Variants in PDE8A observed in about 807,000 individuals in gnomAD.
PDE8A encodes phosphodiesterase 8A, also known as high affinity cAMP-specific and IBMX-insensitive 3',5'-cyclic phosphodiesterase 8A.
PDE8A carries 59 observed loss-of-function variants against 105.0 expected under a neutral mutation model. The observed-to-expected ratio is 0.56, with a 90% CI of 0.46 to 0.70. The LOEUF (loss-of-function observed/expected upper bound fraction) is 0.70. Among genes scored for constraint, PDE8A ranks in the 30% least tolerant of loss-of-function variants. The pLI is 0.00. For missense variants in PDE8A, 1,014 were observed against 1,045.9 expected, an observed-to-expected ratio of 0.97 and a Z score of 0.42; for synonymous variants, 355 against 371.9, an observed-to-expected ratio of 0.95 and a Z score of 0.52.
At chr15:85,104,542 A>C (rs541676013) in intron 11 of PDE8A, among the ~76,000 whole-genome samples, 2 of 152,150 alleles carry the variant, frequency 1.3e-5, no homozygotes, top group South Asian at 4.2e-4. Context: ...GCCCAATCAG[A>C]GACTGGATTC....
chr15:85,078,110 T>A (rs1596495272), intron 5 of PDE8A, among the ~76,000 whole-genome samples: 11 of 128,226 alleles, frequency 8.6e-5, no homozygotes, highest in South Asian at 2.4e-4. Flanking sequence ...CAAAGTAGAG[T>A]AAATTTTAAA....
intron 5 of PDE8A, 72 bp downstream of exon 5, chr15:85,076,859 A>G: frequency 1.0e-6 from 1 of 997,276 alleles, no homozygotes; most frequent in Non-Finnish European, 1.6e-6. Flanking sequence ...TTCAGTACCC[A>G]GCAAAAGCTT....
intron 8 of PDE8A, among the ~76,000 whole-genome samples, chr15:85,094,882 T>C (rs1207576897): frequency 1.3e-5 from 2 of 152,186 alleles, no homozygotes; most frequent in Non-Finnish European, 1.5e-5. Flanking sequence ...TACTGAGTCA[T>C]CATTTTGTCA....
intron 1 of PDE8A, among the ~76,000 whole-genome samples, chr15:85,055,291 T>A (rs957829990): frequency 3.9e-5 from 6 of 152,188 alleles, no homozygotes; most frequent in Admixed American, 1.3e-4. Flanking sequence ...ATTTTGTTGA[T>A]TTGGGGTGGA....
chr15:85,020,148 C>T (rs574019618), intron 1 of PDE8A, among the ~76,000 whole-genome samples: 1 of 151,772 alleles, frequency 6.6e-6, no homozygotes, highest in Non-Finnish European at 1.5e-5. Context: ...AATAGGTATT[C>T]TTTCTTAGGC....
intron 1 of PDE8A, among the ~76,000 whole-genome samples, chr15:85,016,134 G>A (rs1399394832): frequency 1.3e-5 from 2 of 151,832 alleles, no homozygotes; most frequent in Non-Finnish European, 2.9e-5. Context: ...AGCAAGACTT[G>A]GTCTCAAAAT....
intron 1 of PDE8A, among the ~76,000 whole-genome samples, chr15:84,995,361 C>G (rs2079959561): frequency 6.6e-6 from 1 of 150,732 alleles, no homozygotes; most frequent in African/African-American, 2.4e-5. Context: ...GTTGCCTAGA[C>G]TGGAGTGCAG....
chr15:84,987,104 G>T (rs2079814459), intron 1 of PDE8A, among the ~76,000 whole-genome samples: 1 of 152,206 alleles, frequency 6.6e-6, no homozygotes, highest in Non-Finnish European at 1.5e-5. Context: ...AGTGACTACA[G>T]TTTATCTCTA....
At chr15:85,018,544 C>A (rs1241351782) in intron 1 of PDE8A, among the ~76,000 whole-genome samples, 3 of 152,162 alleles carry the variant, frequency 2.0e-5, no homozygotes, top group African/African-American at 7.2e-5. Flanking sequence ...ACCCTCACAT[C>A]ATCTTTTTTT....
At chr15:85,069,098 T>G (rs1423021080) in intron 3 of PDE8A, among the ~76,000 whole-genome samples, 2 of 152,198 alleles carry the variant, frequency 1.3e-5, no homozygotes, top group African/African-American at 4.8e-5. Flanking sequence ...AGCTGAAATA[T>G]TTCAATGAAA....
At chr15:84,999,204 T>G (rs1218363155) in intron 1 of PDE8A, among the ~76,000 whole-genome samples, 1 of 148,456 alleles carries the variant, frequency 6.7e-6, no homozygotes, top group Non-Finnish European at 1.5e-5. Flanking sequence ...CACTGCAACC[T>G]CTGCCTCCTG....
chr15:85,062,097 A>G (rs1434510130), intron 1 of PDE8A, among the ~76,000 whole-genome samples: 1 of 152,084 alleles, frequency 6.6e-6, no homozygotes, highest in Non-Finnish European at 1.5e-5. Flanking sequence ...GGTATCTTTC[A>G]GGGATGGTTG....
chr15:85,107,497 A>G (rs897360395), intron 11 of PDE8A, among the ~76,000 whole-genome samples: 1 of 152,202 alleles, frequency 6.6e-6, no homozygotes, highest in Non-Finnish European at 1.5e-5. Context: ...TCCAGGGAGG[A>G]TGACAAATGT....
chr15:85,120,584 G>A, intron 17 of PDE8A: 1 of 467,292 alleles, frequency 2.1e-6, no homozygotes, highest in Non-Finnish European at 3.8e-6. Context: ...CTGTATTTTG[G>A]TAAGTCCTTA....
intron 1 of PDE8A, among the ~76,000 whole-genome samples, chr15:85,007,165 G>A (rs916964891): frequency 2.6e-5 from 4 of 152,100 alleles, no homozygotes; most frequent in Non-Finnish European, 4.4e-5. Context: ...TTTGATAGAA[G>A]GGAAAAGCAT....
intron 1 of PDE8A, among the ~76,000 whole-genome samples, chr15:85,048,067 A>C (rs1409007495): frequency 6.6e-6 from 1 of 152,170 alleles, no homozygotes; most frequent in Non-Finnish European, 1.5e-5. Context: ...GTATCCTGTA[A>C]GTCTTACTAC....
Position 85,100,086 on chromosome 15 carries a change from C to T in PDE8A, c.993+20C>T, listed in dbSNP as rs202159791. Reference sequence around the variant, plus strand: ...AATAAGGTACGTAAGGAGAGCCCCCCGGGGCCCCAGGAACACCCCAGCAAG... The same window carrying T: ...AATAAGGTACGTAAGGAGAGCCCCCTGGGGCCCCAGGAACACCCCAGCAAG... On this transcript the variant is annotated intron_variant, in intron 10 of 21. Coordinates refer to ENST00000394553, the MANE Select transcript of PDE8A (RefSeq NM_002605.3). The T allele has an allele frequency of 2.9e-4, 473 of 1,612,996 alleles. 1 individual carries two copies. The African/African-American group carries it at 4.7e-3, about 16-fold the overall frequency.
chr15:85,026,280 G>A (rs1337526987), intron 1 of PDE8A, among the ~76,000 whole-genome samples: 3 of 152,120 alleles, frequency 2.0e-5, no homozygotes, highest in Non-Finnish European at 4.4e-5. Context: ...GATGGCTGGG[G>A]GTTGGGATCA....
intron 1 of PDE8A, among the ~76,000 whole-genome samples, chr15:85,059,631 T>C (rs185169876): frequency 2.7e-4 from 41 of 152,360 alleles, no homozygotes; most frequent in Non-Finnish European, 5.7e-4. Context: ...CTGCTGTTAG[T>C]ATAACTTCCC....
Sources: allele counts gnomAD v4.1 joint callset (sites outside exome capture counted in the v4.1 genomes callset), GRCh38; gene constraint gnomAD v4.1.1; transcripts MANE v1.5; gene names NCBI Gene and HGNC (gene_info 2026-07-23, HGNC 2026-07-21).